PIP5K1A: variants seen among roughly 807,000 people sequenced by gnomAD.
The protein encoded by PIP5K1A is phosphatidylinositol 4-phosphate 5-kinase type-1 alpha.
PIP5K1A carries 46 observed loss-of-function variants against 72.9 expected under a neutral mutation model. The observed-to-expected ratio is 0.63, with a 90% confidence interval of 0.50 to 0.81. The LOEUF is 0.81. Ranked by LOEUF, PIP5K1A falls within the 30% of genes least tolerant of loss-of-function variation. The pLI, the probability that PIP5K1A is intolerant of heterozygous loss-of-function variation, is 0.00. For missense variants in PIP5K1A, 458 were observed against 706.1 expected (o/e 0.65, Z 3.98); for synonymous variants, 228 against 255.1 (o/e 0.89, Z 1.01).
intron 14 of PIP5K1A, among the ~76,000 whole-genome samples, chr1:151,244,120 G>A (rs1206125325): frequency 6.9e-6 from 1 of 145,612 alleles, no homozygotes; most frequent in Non-Finnish European, 1.5e-5. Flanking sequence ...GACCAGCCTG[G>A]TCAATATAAC....
chr1:151,217,690 T>A (rs915225587), intron 1 of PIP5K1A, among the ~76,000 whole-genome samples: 1 of 152,200 alleles, frequency 6.6e-6, no homozygotes, highest in African/African-American at 2.4e-5. Flanking sequence ...CAGGCCATCT[T>A]CCCACCTCAG....
In PIP5K1A at chr1:151,227,291, T is replaced by C. The variant is rs587771990; in HGVS notation, c.157-29T>C. 3.5e-6 allele frequency: 5 copies of C among 1,412,104 alleles called. No homozygotes were observed. In the Admixed American group the frequency reaches 6.8e-5, roughly 19 times the overall value. 87.5% of individuals were successfully genotyped at this position (1,412,104 alleles called of 1,614,324 possible). On this transcript the variant is annotated intron_variant, in intron 3 of 15. Transcript: ENST00000368888. ...AGCTATTTGGTGTCTTACATGGGAA[T>C]TGTATTATAATCTTGACTCTTCTTC...
At chr1:151,231,863 G>A in intron 5 of PIP5K1A, 62 bp downstream of exon 5, 2 of 1,526,490 alleles carry the variant, frequency 1.3e-6, no homozygotes, top group Non-Finnish European at 1.8e-6. Context: ...TCAGCCCAGG[G>A]CAGTTTTAGG....
Position 151,234,490 on chromosome 1 carries a change from CTGTT to C in PIP5K1A, c.936_939del (p.Cys312TrpfsTer8). ...CTCTCTGTAAGACCCTGCAGCGTGA[CTGTT>C]TGGTGAGTTTGTTACTTAGACATCA... On this transcript the variant is annotated frameshift_variant and splice_region_variant, in exon 8 of 16. Coordinates refer to ENST00000368888, the MANE Select transcript of PIP5K1A (RefSeq NM_001135638.2). LOFTEE classifies it high-confidence loss of function. 1.9e-6 allele frequency: 3 copies of C among 1,613,530 alleles called. No individual in the cohort carries two copies. Among genetic ancestry groups the C allele is most frequent in the Non-Finnish European group, 2.5e-6 (3 of 1,179,458 alleles).
intron 1 of PIP5K1A, among the ~76,000 whole-genome samples, chr1:151,212,996 T>C (rs1687058954): frequency 6.6e-6 from 1 of 150,616 alleles, no homozygotes. Flanking sequence ...GTTCATGCCA[T>C]TCTCCTGCCT....
rs587774732 is a variant in PIP5K1A at position 151,203,822 on chromosome 1, C to CA, written c.85+4755dup. ...CTGGAGACAGAGTGAGACTCTGTCT[C>CA]AAAAAAAAAAAAAAGAAAAAAGAAA... On this transcript the variant is annotated intron_variant, in intron 1 of 15. Coordinates refer to ENST00000368888, the MANE Select transcript of PIP5K1A (RefSeq NM_001135638.2). Among the ~76,000 whole-genome samples the CA allele has an allele frequency of 9.0e-3, 751 of 83,410 alleles. 8 individuals are homozygous for CA. The highest frequency in any genetic ancestry group is 0.039 in the East Asian group (119 of 3,076). 54.7% of individuals were successfully genotyped at this position (83,410 alleles called of 152,430 possible).
chr1:151,246,106 G>T (rs1222467615), intron 14 of PIP5K1A, among the ~76,000 whole-genome samples: 1 of 152,096 alleles, frequency 6.6e-6, no homozygotes, highest in African/African-American at 2.4e-5. Context: ...AATTAGCCAG[G>T]TGTGGTGATT....
rs189038791 is a variant in PIP5K1A at position 151,226,563 on chromosome 1, A to G, written c.157-757A>G. ...CCCATCTCTACTAATAATACAAAAA[A>G]TTAGCTGGGTGTGGTGGTGCATTCC... On this transcript the variant is annotated intron_variant, in intron 3 of 15. Coordinates refer to ENST00000368888, the MANE Select transcript of PIP5K1A (RefSeq NM_001135638.2). Among the ~76,000 whole-genome samples, 6 of 151,540 alleles carry G rather than the reference A, an allele frequency of 4.0e-5. No homozygotes were observed. The East Asian group carries it at 1.2e-3, about 30-fold the overall frequency.
At chr1:151,233,807 ACT>A (rs1570953348) in intron 7 of PIP5K1A, 1 of 172,210 alleles carries the variant, frequency 5.8e-6, no homozygotes, top group Non-Finnish European at 1.2e-5. Context: ...CCTTGGTAAT[ACT>A]CTCTGCAGCC....
chr1:151,236,432 C>T (rs2102713084), intron 8 of PIP5K1A, 126 bp from the exon 9 acceptor site: 1 of 637,036 alleles, frequency 1.6e-6, no homozygotes, highest in South Asian at 2.0e-5. Context: ...GCCGAGATCA[C>T]ACCACTGCAC....
intron 1 of PIP5K1A, chr1:151,223,919 G>A: frequency 3.0e-6 from 1 of 329,190 alleles, no homozygotes; most frequent in South Asian, 3.8e-5. Flanking sequence ...AGTGAGCTGA[G>A]GTCATGCCAC....
intron 7 of PIP5K1A, 134 bp from the exon 8 acceptor site, chr1:151,234,063 G>T: frequency 1.5e-6 from 1 of 672,356 alleles, no homozygotes; most frequent in South Asian, 1.9e-5. Flanking sequence ...CATATATGAT[G>T]TAGGTTTATG....
At chr1:151,197,951 C>G, upstream of PIP5K1A, 1 of 429,902 alleles carries the variant, frequency 2.3e-6, no homozygotes, top group African/African-American at 2.1e-5. Flanking sequence ...GGGGTTGGGT[C>G]GCGGGAAGGT....
At chr1:151,213,855 T>C (rs1024675374) in intron 1 of PIP5K1A, among the ~76,000 whole-genome samples, 1 of 152,144 alleles carries the variant, frequency 6.6e-6, no homozygotes, top group Non-Finnish European at 1.5e-5. Flanking sequence ...TGTTAAATTA[T>C]GTAACATACA....
At chr1:151,245,516 G>A (rs974930620) in intron 14 of PIP5K1A, among the ~76,000 whole-genome samples, 4 of 152,080 alleles carry the variant, frequency 2.6e-5, no homozygotes. Context: ...GCCCAGGCTG[G>A]AGTACAGTGG....
chr1:151,248,196 G>C lies in PIP5K1A; in HGVS notation c.*331G>C, dbSNP rs1375842968. On this transcript the variant is annotated 3_prime_UTR_variant, in exon 16 of 16. Coordinates refer to ENST00000368888, the MANE Select transcript of PIP5K1A (RefSeq NM_001135638.2). The stretch of plus-strand genomic sequence containing the variant: ...CCCCCATTCTTCATGCTGGAAATGG[G>C]ATTGCTGGACTTGGCAGCTTTCTTT... 1 of 386,996 alleles carries C rather than the reference G, an allele frequency of 2.6e-6. No individual in the cohort carries two copies. The highest frequency in any genetic ancestry group is 4.7e-6 in the Non-Finnish European group (1 of 211,398). The allele number at this position is 386,996 out of a possible 1,614,324, so 24.0% of individuals were successfully genotyped here. A position where few individuals can be genotyped will look rare whatever the true frequency, so the allele number is the denominator to read the frequency against.
chr1:151,216,229 G>T (rs916216477), intron 1 of PIP5K1A, among the ~76,000 whole-genome samples: 39 of 151,996 alleles, frequency 2.6e-4, no homozygotes, highest in African/African-American at 9.4e-4. Context: ...GGTGCCTGTA[G>T]TCCCAGCTAC....
intron 10 of PIP5K1A, chr1:151,238,479 A>G: frequency 1.9e-6 from 1 of 530,228 alleles, no homozygotes; most frequent in Non-Finnish European, 3.4e-6. Context: ...CTCCCCAGAC[A>G]TAATGTATAC....
intron 14 of PIP5K1A, 107 bp from the exon 15 acceptor site, chr1:151,246,813 A>T: frequency 1.3e-6 from 1 of 764,592 alleles, no homozygotes; most frequent in East Asian, 2.7e-5. Context: ...TTCTAAATTG[A>T]TTCCAAAGTG....
Sources: allele counts gnomAD v4.1 joint callset (sites outside exome capture counted in the v4.1 genomes callset), GRCh38; gene constraint gnomAD v4.1.1; transcripts MANE v1.5; gene names NCBI Gene and HGNC (gene_info 2026-07-23, HGNC 2026-07-21).